The following ANKRD55 variants were observed in gnomAD, a reference collection of about 807,000 sequenced individuals.
ANKRD55 encodes ankyrin repeat domain 55.
A neutral mutation model predicts 60.6 loss-of-function variants in ANKRD55; 41 were observed. The observed-to-expected ratio is 0.68, with a 90% CI of 0.53 to 0.88. ANKRD55 has a LOEUF of 0.88. Among genes scored for constraint, ANKRD55 ranks in the 40% least tolerant of loss-of-function variants. ANKRD55 has a pLI of 0.00. For synonymous variants in ANKRD55, 264 were observed against 290.3 expected (o/e 0.91, Z 0.92); for missense variants, 732 against 767.6 (o/e 0.95, Z 0.55).
chr5:56,141,722 C>A (rs1300595894), intron 7 of ANKRD55, among the ~76,000 whole-genome samples: 1 of 151,940 alleles, frequency 6.6e-6, no homozygotes, highest in African/African-American at 2.4e-5. Flanking sequence ...TAATTTATAA[C>A]GAACTGGTAA....
chr5:56,135,246 C>CCTTCCTTCCTTCCTT (rs1186579108), intron 7 of ANKRD55, among the ~76,000 whole-genome samples: 4 of 137,888 alleles, frequency 2.9e-5, no homozygotes, highest in Admixed American at 2.9e-4. Flanking sequence ...TTCCTTCCTT[C>CCTTCCTTCCTTCCTT]CTTCCTTCCT....
At chr5:56,115,635 T>C (rs1756864432) in intron 9 of ANKRD55, among the ~76,000 whole-genome samples, 1 of 152,172 alleles carries the variant, frequency 6.6e-6, no homozygotes, top group Non-Finnish European at 1.5e-5. Flanking sequence ...AGCTGTATTC[T>C]ATTAAGCTTG....
chr5:56,204,940 G>A (rs1225635500), intron 2 of ANKRD55, among the ~76,000 whole-genome samples: 1 of 152,166 alleles, frequency 6.6e-6, no homozygotes, highest in Non-Finnish European at 1.5e-5. Context: ...TGCCAACTCT[G>A]GAAAATGAGG....
intron 6 of ANKRD55, among the ~76,000 whole-genome samples, chr5:56,150,095 C>T (rs1224749315): frequency 6.6e-6 from 1 of 152,152 alleles, no homozygotes; most frequent in Non-Finnish European, 1.5e-5. Context: ...CTGCCTTGGC[C>T]TCCCAAAGTG....
At chr5:56,205,220 C>G (rs113710718) in intron 2 of ANKRD55, among the ~76,000 whole-genome samples, 4,959 of 152,180 alleles carry the variant, frequency 0.033, 87 homozygotes, top group Middle Eastern at 0.054. Context: ...GCCACCATGC[C>G]CAGCTAATTT....
At chr5:56,204,642 G>A (rs1375862907) in intron 2 of ANKRD55, among the ~76,000 whole-genome samples, 1 of 152,140 alleles carries the variant, frequency 6.6e-6, no homozygotes, top group African/African-American at 2.4e-5. Flanking sequence ...CGACACTGCA[G>A]ACCTGTGAGT....
chr5:56,176,001 AAAC>A, intron 4 of ANKRD55, 148 bp downstream of exon 4: 1 of 1,017,920 alleles, frequency 9.8e-7, no homozygotes, highest in Non-Finnish European at 1.4e-6. Flanking sequence ...GTGGGGATAT[AAAC>A]GTTGAAGATG....
At chr5:56,100,894 G>C (rs190092694) in intron 11 of ANKRD55, among the ~76,000 whole-genome samples, 8 of 152,248 alleles carry the variant, frequency 5.3e-5, no homozygotes, top group African/African-American at 1.7e-4. Context: ...TGTTTTTGTG[G>C]CTACAGTTCT....
chr5:56,189,291 A>G (rs1363693756), intron 2 of ANKRD55, among the ~76,000 whole-genome samples: 1 of 150,062 alleles, frequency 6.7e-6, no homozygotes, highest in Admixed American at 6.6e-5. Flanking sequence ...AGCCTGGGCA[A>G]CAGAGCGAGA....
At chr5:56,148,590 G>A (rs574532412) in intron 6 of ANKRD55, among the ~76,000 whole-genome samples, 11 of 152,142 alleles carry the variant, frequency 7.2e-5, no homozygotes, top group Non-Finnish European at 1.5e-4. Context: ...GTAATTCTGC[G>A]CCTTGAACCT....
intron 8 of ANKRD55, among the ~76,000 whole-genome samples, chr5:56,117,193 T>C (rs903192117): frequency 6.6e-6 from 1 of 152,248 alleles, no homozygotes; most frequent in African/African-American, 2.4e-5. Flanking sequence ...TTTGTCCATT[T>C]TGGTAGGCAA....
At chr5:56,172,630 A>G (rs1758636260) in intron 4 of ANKRD55, among the ~76,000 whole-genome samples, 1 of 152,160 alleles carries the variant, frequency 6.6e-6, no homozygotes, top group African/African-American at 2.4e-5. Flanking sequence ...ATACTATCTG[A>G]AACCCTTGGT....
At chr5:56,141,934 C>T (rs563530566) in intron 7 of ANKRD55, among the ~76,000 whole-genome samples, 4 of 152,264 alleles carry the variant, frequency 2.6e-5, no homozygotes, top group African/African-American at 9.6e-5. Context: ...CAAGTGTTGA[C>T]TTGCCTTAGA....
At chr5:56,141,418 T>C (rs547987211) in intron 7 of ANKRD55, among the ~76,000 whole-genome samples, 4 of 152,286 alleles carry the variant, frequency 2.6e-5, no homozygotes, top group Non-Finnish European at 4.4e-5. Context: ...TTGAAAAATA[T>C]TGATGGCTGG....
At chr5:56,220,634 T>C (rs1472709021) in intron 2 of ANKRD55, among the ~76,000 whole-genome samples, 1 of 152,010 alleles carries the variant, frequency 6.6e-6, no homozygotes, top group Non-Finnish European at 1.5e-5. Context: ...GGCCAAAAGG[T>C]GAAACCCTGT....
chr5:56,156,296 T>C (rs1758193762), intron 6 of ANKRD55, among the ~76,000 whole-genome samples: 1 of 152,224 alleles, frequency 6.6e-6, no homozygotes, highest in Non-Finnish European at 1.5e-5. Flanking sequence ...GTCCATATGC[T>C]GGTGTAATAG....
intron 5 of ANKRD55, among the ~76,000 whole-genome samples, chr5:56,165,619 A>G (rs1216703160): frequency 6.6e-6 from 1 of 152,110 alleles, no homozygotes; most frequent in Non-Finnish European, 1.5e-5. Context: ...TGAAGTAAGC[A>G]GGAATAATAT....
At chr5:56,212,431 A>G (rs7706510) in intron 2 of ANKRD55, among the ~76,000 whole-genome samples, 3,649 of 152,306 alleles carry the variant, frequency 0.024, 148 homozygotes, top group African/African-American at 0.084. Flanking sequence ...AAGAAATAAG[A>G]CAAATTCTAA....
Position 56,127,057 on chromosome 5 carries a change from G to T in ANKRD55, c.662C>A (p.Pro221Gln). Residue 221 changes from proline (P) to glutamine (Q), a missense_variant, in exon 8 of 12, where the codon CCG becomes CAG. Pro to Gln is a moderately conservative substitution (Grantham distance 76). Transcript: ENST00000341048. The part of the protein sequence containing the change: ...CSIILSHHQG[P>Q]SIINYDDESG... ...CTCATCATCATAGTTGATTATGGAC[G>T]GCCCCTGGTGATGGCTCAGAATGAT... 1.2e-6 allele frequency: 2 copies of T among 1,613,460 alleles called. No homozygotes were observed. Among genetic ancestry groups the T allele is most frequent in the South Asian group, 2.2e-5 (2 of 90,914 alleles).
Sources: allele counts gnomAD v4.1 joint callset (sites outside exome capture counted in the v4.1 genomes callset), GRCh38; gene constraint gnomAD v4.1.1; transcripts MANE v1.5; gene names NCBI Gene and HGNC (gene_info 2026-07-23, HGNC 2026-07-21).